CCDC102B: variants seen among roughly 807,000 people sequenced by gnomAD.
The protein encoded by CCDC102B is coiled-coil domain-containing protein 102B.
Under a neutral mutation model 57.4 loss-of-function variants are expected in CCDC102B, and 75 were observed. The ratio of observed to expected loss-of-function variants is 1.31; its 90% CI spans 1.08 to 1.58. The LOEUF (loss-of-function observed/expected upper bound fraction) is 1.58. Ranked by LOEUF, CCDC102B falls within the 40% of genes most tolerant of loss-of-function variation. The probability of loss-of-function intolerance (pLI) is 0.00; values close to 1 mark genes in which losing one functional copy is unlikely to be tolerated. For synonymous variants in CCDC102B, 206 were observed against 201.9 expected (o/e 1.02, Z -0.17); for missense variants, 636 against 582.6 (o/e 1.09, Z -0.94).
intron 6 of CCDC102B, among the ~76,000 whole-genome samples, chr18:68,933,919 C>T (rs764613617): frequency 6.6e-6 from 1 of 151,812 alleles, no homozygotes; most frequent in African/African-American, 2.4e-5. Flanking sequence ...CCCAAAGGAA[C>T]ATTTGACAGG....
intron 6 of CCDC102B, among the ~76,000 whole-genome samples, chr18:68,936,115 T>C (rs2049229013): frequency 6.6e-6 from 1 of 151,940 alleles, no homozygotes; most frequent in Admixed American, 6.6e-5. Context: ...ATCTAAAGGC[T>C]CTGTGTATAA....
At chr18:68,996,791 G>T (rs1007758379) in intron 6 of CCDC102B, among the ~76,000 whole-genome samples, 1 of 152,166 alleles carries the variant, frequency 6.6e-6, no homozygotes, top group African/African-American at 2.4e-5. Context: ...CTGGAATTAA[G>T]AATTTGGGGG....
chr18:68,897,696 C>T, intron 6 of CCDC102B: 1 of 1,269,480 alleles, frequency 7.9e-7, no homozygotes, highest in East Asian at 3.9e-5. Context: ...AGAAATAGAA[C>T]TTTCTGGTTT....
chr18:68,715,416 A>G, intron 1 of CCDC102B: 1 of 239,088 alleles, frequency 4.2e-6, no homozygotes, highest in Non-Finnish European at 7.3e-6. Context: ...TTTACTTGTT[A>G]CTCCCGTGTG....
intron 7 of CCDC102B, among the ~76,000 whole-genome samples, chr18:69,052,055 GAA>G (rs5825900): frequency 6.6e-6 from 1 of 150,730 alleles, no homozygotes; most frequent in Non-Finnish European, 1.5e-5. Context: ...TCTCTTAAAT[GAA>G]AAAAAAATGA....
chr18:69,057,788 G>T (rs1241839018), downstream of CCDC102B, among the ~76,000 whole-genome samples: 1 of 151,986 alleles, frequency 6.6e-6, no homozygotes, highest in African/African-American at 2.4e-5. Context: ...CATACCCATT[G>T]CCACCCATGC....
chr18:68,741,713 A>ACCCC (rs1555696158), intron 2 of CCDC102B, among the ~76,000 whole-genome samples: 29 of 97,676 alleles, frequency 3.0e-4, no homozygotes, highest in African/African-American at 1.2e-3. Flanking sequence ...ACACACACAC[A>ACCCC]CCCCAAGACA....
intron 6 of CCDC102B, among the ~76,000 whole-genome samples, chr18:69,007,945 A>G (rs1203908422): frequency 6.6e-6 from 1 of 152,174 alleles, no homozygotes; most frequent in Non-Finnish European, 1.5e-5. Context: ...ACTCCTTTTA[A>G]ATCGGTCTAA....
intron 2 of CCDC102B, among the ~76,000 whole-genome samples, chr18:68,763,964 T>A (rs2034341791): frequency 6.6e-6 from 1 of 152,140 alleles, no homozygotes; most frequent in South Asian, 2.1e-4. Flanking sequence ...TCATCGTTGC[T>A]TTCTATTCTC....
chr18:68,935,390 T>C (rs1362697631), intron 6 of CCDC102B, among the ~76,000 whole-genome samples: 1 of 151,968 alleles, frequency 6.6e-6, no homozygotes, highest in Non-Finnish European at 1.5e-5. Flanking sequence ...ATTAATGATA[T>C]AGAAATGAAT....
At chr18:69,044,617 A>G (rs1266009449) in intron 7 of CCDC102B, among the ~76,000 whole-genome samples, 3 of 152,172 alleles carry the variant, frequency 2.0e-5, no homozygotes, top group African/African-American at 7.2e-5. Context: ...TAAGATTTTA[A>G]TAGTTAATTT....
At chr18:68,781,825 G>T (rs955092213) in intron 2 of CCDC102B, among the ~76,000 whole-genome samples, 1 of 151,950 alleles carries the variant, frequency 6.6e-6, no homozygotes, top group African/African-American at 2.4e-5. Context: ...AACATGTATT[G>T]CTGAGCCTTT....
chr18:68,835,881 A>G (rs1383732362), intron 1 of CCDC102B, among the ~76,000 whole-genome samples: 1 of 152,096 alleles, frequency 6.6e-6, no homozygotes, highest in Non-Finnish European at 1.5e-5. Flanking sequence ...TCTTCTCAGT[A>G]CCCTTCATCT....
At chr18:68,769,939 G>A (rs933522924) in intron 2 of CCDC102B, among the ~76,000 whole-genome samples, 1 of 152,212 alleles carries the variant, frequency 6.6e-6, no homozygotes, top group Admixed American at 6.5e-5. Context: ...ATATTAGGAT[G>A]AGGAACAGAT....
downstream of CCDC102B, among the ~76,000 whole-genome samples, chr18:69,056,204 T>G (rs1188163500): frequency 6.6e-6 from 1 of 152,062 alleles, no homozygotes; most frequent in Admixed American, 6.6e-5. Flanking sequence ...TAGTAAACAT[T>G]TGGTTTGTAC....
At chr18:69,035,654 G>A (rs2052271064) in intron 7 of CCDC102B, among the ~76,000 whole-genome samples, 1 of 151,998 alleles carries the variant, frequency 6.6e-6, no homozygotes, top group Non-Finnish European at 1.5e-5. Context: ...TTAGTAAAAT[G>A]TCTTTATTGG....
intron 5 of CCDC102B, among the ~76,000 whole-genome samples, chr18:68,884,792 T>C (rs2039823648): frequency 6.7e-6 from 1 of 150,262 alleles, no homozygotes; most frequent in South Asian, 2.1e-4. Context: ...AGATCTAATG[T>C]ACAAGATGAG....
intron 2 of CCDC102B, among the ~76,000 whole-genome samples, chr18:68,733,654 A>G (rs1599383635): frequency 6.6e-6 from 1 of 152,098 alleles, no homozygotes; most frequent in Middle Eastern, 3.5e-3. Context: ...TAATCTCTAT[A>G]GATAATTAAC....
intron 6 of CCDC102B, among the ~76,000 whole-genome samples, chr18:68,988,674 T>G (rs138807554): frequency 1.9e-3 from 285 of 152,276 alleles, no homozygotes; most frequent in African/African-American, 6.6e-3. Flanking sequence ...AAGTAAAAAC[T>G]TCATGATTAT....
Sources: gnomAD v4.1 joint callset for allele counts (sites outside exome capture counted in the v4.1 genomes callset) on GRCh38, gnomAD v4.1.1 for gene constraint, MANE v1.5 for transcripts, NCBI Gene and HGNC (gene_info 2026-07-23, HGNC 2026-07-21) for gene names.